Variants in LINGO2 observed in about 807,000 individuals in gnomAD.
LINGO2 encodes the protein leucine rich repeat and Ig domain containing 2.
In LINGO2, 14 loss-of-function variants were observed where a neutral mutation model predicts 30.6. The ratio of observed to expected loss-of-function variants is 0.46; its 90% CI spans 0.30 to 0.72. LINGO2 has a LOEUF of 0.72. Ranked by LOEUF, LINGO2 falls within the 30% of genes least tolerant of loss-of-function variation. The pLI is 0.07. For missense variants in LINGO2, 729 were observed against 751.7 expected, an observed-to-expected ratio of 0.97 and a Z score of 0.35; for synonymous variants, 317 against 288.5, an observed-to-expected ratio of 1.10 and a Z score of -1.00.
chr9:28,953,336 T>C, the LINGO2 span, among the ~76,000 whole-genome samples: 4 of 152,136 alleles, frequency 2.6e-5, no homozygotes, highest in Non-Finnish European at 5.9e-5. Context: ...AGGGTCTATA[T>C]ACTCTTTAAA....
At chr9:28,489,959 T>C (rs1402152935) in intron 1 of LINGO2, among the ~76,000 whole-genome samples, 1 of 137,986 alleles carries the variant, frequency 7.2e-6, no homozygotes, top group African/African-American at 2.7e-5. Flanking sequence ...ATTTATGTAA[T>C]AAGTAAAGTA....
At chr9:29,107,296 G>T in the LINGO2 span, among the ~76,000 whole-genome samples, 35,004 of 151,952 alleles carry the variant, frequency 0.23, 4,152 homozygotes, top group East Asian at 0.4. Context: ...TGTAACAAAT[G>T]ATTTTTCTCT....
intron 3 of LINGO2, among the ~76,000 whole-genome samples, chr9:28,367,688 T>C (rs1357031260): frequency 1.3e-5 from 2 of 152,126 alleles, no homozygotes; most frequent in Non-Finnish European, 2.9e-5. Flanking sequence ...AGTGTACTCT[T>C]CTGTCTCTTC....
chr9:28,041,519 G>A (rs1824195830), intron 4 of LINGO2, among the ~76,000 whole-genome samples: 1 of 152,138 alleles, frequency 6.6e-6, no homozygotes. Flanking sequence ...CTACTTAGAG[G>A]AAAATTGGCT....
intron 3 of LINGO2, among the ~76,000 whole-genome samples, chr9:28,319,378 A>G (rs755660797): frequency 3.3e-5 from 5 of 152,138 alleles, no homozygotes; most frequent in Admixed American, 6.5e-5. Flanking sequence ...ATATGATTAG[A>G]TTAAGACCAC....
intron 4 of LINGO2, among the ~76,000 whole-genome samples, chr9:28,251,505 T>G (rs1035404014): frequency 6.6e-6 from 1 of 152,192 alleles, no homozygotes; most frequent in Admixed American, 6.5e-5. Flanking sequence ...TTGTCATTTA[T>G]CCTGAAAACA....
At chr9:28,640,689 G>C (rs1336837571) in intron 1 of LINGO2, among the ~76,000 whole-genome samples, 1 of 151,894 alleles carries the variant, frequency 6.6e-6, no homozygotes, top group African/African-American at 2.4e-5. Flanking sequence ...GGTCCTTTAA[G>C]GACTTCTCTG....
At chr9:28,544,628 T>A (rs191164288) in intron 1 of LINGO2, among the ~76,000 whole-genome samples, 1 of 127,496 alleles carries the variant, frequency 7.8e-6, no homozygotes, top group African/African-American at 2.6e-5. Flanking sequence ...TGTTAAAAAG[T>A]CAGAAGCTGT....
intron 1 of LINGO2, among the ~76,000 whole-genome samples, chr9:28,668,338 T>G (rs1828881262): frequency 6.6e-6 from 1 of 152,066 alleles, no homozygotes; most frequent in Non-Finnish European, 1.5e-5. Flanking sequence ...ACTTCATAAT[T>G]AGAACAAGAA....
At chr9:28,640,760 C>G (rs895668176) in intron 1 of LINGO2, among the ~76,000 whole-genome samples, 1 of 152,042 alleles carries the variant, frequency 6.6e-6, no homozygotes, top group African/African-American at 2.4e-5. Flanking sequence ...ACTTCTTTGC[C>G]ATGGGTTCGA....
intron 3 of LINGO2, among the ~76,000 whole-genome samples, chr9:28,296,231 TA>T (rs1823915700): frequency 1.3e-5 from 2 of 152,184 alleles, no homozygotes; most frequent in Admixed American, 1.3e-4. Context: ...ATCTGACACA[TA>T]AACAACACTT....
the LINGO2 span, among the ~76,000 whole-genome samples, chr9:28,704,845 T>C: frequency 6.6e-6 from 1 of 152,044 alleles, no homozygotes; most frequent in East Asian, 2.0e-4. Context: ...TAGCATGTTA[T>C]TCAAAGTTTT....
At chr9:28,287,814 A>G (rs1410876556) in intron 4 of LINGO2, among the ~76,000 whole-genome samples, 2 of 152,176 alleles carry the variant, frequency 1.3e-5, no homozygotes, top group Non-Finnish European at 2.9e-5. Flanking sequence ...GTATGTGTGC[A>G]TATGTGCACT....
chr9:28,715,692 T>G, the LINGO2 span, among the ~76,000 whole-genome samples: 1 of 152,114 alleles, frequency 6.6e-6, no homozygotes, highest in Non-Finnish European at 1.5e-5. Flanking sequence ...ACTGTTAATT[T>G]AAAATATCTA....
intron 5 of LINGO2, among the ~76,000 whole-genome samples, chr9:27,954,242 A>G (rs776779963): frequency 2.6e-5 from 4 of 152,124 alleles, no homozygotes; most frequent in Admixed American, 1.3e-4. Flanking sequence ...AATACACAAT[A>G]TATTATTAAC....
At chr9:28,647,052 C>T (rs1326790653) in intron 1 of LINGO2, among the ~76,000 whole-genome samples, 1 of 152,032 alleles carries the variant, frequency 6.6e-6, no homozygotes. Context: ...GCAAAGACAC[C>T]ACAGGTATCC....
chr9:29,114,556 C>A, the LINGO2 span, among the ~76,000 whole-genome samples: 1 of 119,014 alleles, frequency 8.4e-6, no homozygotes, highest in Non-Finnish European at 1.7e-5. Context: ...TCCCCCCTCC[C>A]CCCACCCCAT....
chr9:28,395,453 TG>T (rs1237372119), intron 2 of LINGO2, among the ~76,000 whole-genome samples: 2 of 152,134 alleles, frequency 1.3e-5, no homozygotes, highest in Non-Finnish European at 2.9e-5. Context: ...TGGATATTGT[TG>T]CATAAAGTAT....
intron 2 of LINGO2, among the ~76,000 whole-genome samples, chr9:28,430,819 T>C (rs1823637470): frequency 6.6e-6 from 1 of 152,082 alleles, no homozygotes; most frequent in African/African-American, 2.4e-5. Flanking sequence ...GGTCTCTCAT[T>C]ACATTGTGGT....
Sources: gnomAD v4.1 joint callset for allele counts (sites outside exome capture counted in the v4.1 genomes callset) on GRCh38, gnomAD v4.1.1 for gene constraint, MANE v1.5 for transcripts, NCBI Gene and HGNC (gene_info 2026-07-23, HGNC 2026-07-21) for gene names.